NBAS: variants seen among roughly 807,000 people sequenced by gnomAD.
NBAS encodes NAG/BC035112 fusion.
In NBAS, 219 loss-of-function variants were observed where a neutral mutation model predicts 302.5. That is an observed-to-expected ratio of 0.72 (90% CI 0.65 to 0.81). NBAS has a LOEUF of 0.81. Among genes scored for constraint, NBAS ranks in the 30% least tolerant of loss-of-function variants. The pLI, the probability that NBAS is intolerant of heterozygous loss-of-function variation, is 0.00. For missense variants in NBAS, 2,932 were observed against 2,841.6 expected (o/e 1.03, Z -0.72); for synonymous variants, 1,118 against 1,021.6 (o/e 1.09, Z -1.80).
chr2:14,825,546 C>T, the NBAS span, among the ~76,000 whole-genome samples: 8 of 152,130 alleles, frequency 5.3e-5, no homozygotes, highest in Non-Finnish European at 1.0e-4. Context: ...TAGAAATGAG[C>T]CTCGTCTCTC....
intron 19 of NBAS, among the ~76,000 whole-genome samples, chr2:15,466,136 G>A (rs1454623797): frequency 6.6e-6 from 1 of 152,062 alleles, no homozygotes; most frequent in East Asian, 1.9e-4. Context: ...CCCTCTTTCA[G>A]TATTTGTTTA....
At chr2:15,436,795 T>C (rs568976376) in intron 21 of NBAS, among the ~76,000 whole-genome samples, 2 of 152,340 alleles carry the variant, frequency 1.3e-5, no homozygotes, top group East Asian at 3.9e-4. Flanking sequence ...TTTATTTATG[T>C]GTCTTGCTCC....
At chr2:14,990,783 A>G in the NBAS span, among the ~76,000 whole-genome samples, 3 of 152,192 alleles carry the variant, frequency 2.0e-5, no homozygotes, top group Non-Finnish European at 2.9e-5. Context: ...ATCTTTTTAA[A>G]TACAACATAT....
intron 46 of NBAS, among the ~76,000 whole-genome samples, chr2:15,233,005 G>A (rs7563063): frequency 0.094 from 14,286 of 152,008 alleles, 772 homozygotes; most frequent in African/African-American, 0.15. Context: ...CAGATGTTAT[G>A]TGTAGAACTC....
At chr2:14,827,857 G>A in the NBAS span, among the ~76,000 whole-genome samples, 1 of 152,298 alleles carries the variant, frequency 6.6e-6, no homozygotes, top group South Asian at 2.1e-4. Context: ...AGATGAGTAA[G>A]TTCCAAAGAC....
chr2:14,928,895 A>G, the NBAS span, among the ~76,000 whole-genome samples: 1 of 152,210 alleles, frequency 6.6e-6, no homozygotes, highest in Non-Finnish European at 1.5e-5. Context: ...GACTTGGAGC[A>G]CAATAGAGAC....
intron 43 of NBAS, 36 bp downstream of exon 43, chr2:15,276,815 A>C (rs1198919704): frequency 6.2e-7 from 1 of 1,613,730 alleles, no homozygotes; most frequent in Admixed American, 1.7e-5. Flanking sequence ...ATTTAATTGA[A>C]AAGAATGAAT....
chr2:15,305,641 G>A (rs1020664182), intron 40 of NBAS, among the ~76,000 whole-genome samples: 24 of 151,634 alleles, frequency 1.6e-4, no homozygotes, highest in South Asian at 8.3e-4. Context: ...TAGTAGAGGC[G>A]GGGTTTCACC....
the NBAS span, among the ~76,000 whole-genome samples, chr2:15,036,019 C>T: frequency 4.7e-5 from 7 of 149,304 alleles, no homozygotes; most frequent in Admixed American, 6.7e-5. Flanking sequence ...ATAAAGTATG[C>T]ACATATTTTA....
chr2:14,982,370 C>T, the NBAS span, among the ~76,000 whole-genome samples: 188 of 152,292 alleles, frequency 1.2e-3, no homozygotes, highest in African/African-American at 4.2e-3. Context: ...TGCTTCATGC[C>T]ATCAAGTTTT....
intron 51 of NBAS, among the ~76,000 whole-genome samples, chr2:15,170,637 C>T (rs1047326079): frequency 1.3e-5 from 2 of 152,138 alleles, no homozygotes; most frequent in African/African-American, 2.4e-5. Flanking sequence ...TCTACCTGGG[C>T]CTGGCTCTTT....
chr2:14,958,691 A>G, the NBAS span, among the ~76,000 whole-genome samples: 1 of 152,200 alleles, frequency 6.6e-6, no homozygotes, highest in Non-Finnish European at 1.5e-5. Flanking sequence ...TGCTTTTGAG[A>G]AAGTAAGCAA....
At chr2:15,414,679 T>G (rs958103005) in intron 25 of NBAS, among the ~76,000 whole-genome samples, 2 of 152,216 alleles carry the variant, frequency 1.3e-5, no homozygotes, top group Non-Finnish European at 2.9e-5. Flanking sequence ...GCGCAGTGGC[T>G]CACGCCTGTA....
the NBAS span, among the ~76,000 whole-genome samples, chr2:14,797,416 T>G: frequency 6.6e-6 from 1 of 152,160 alleles, no homozygotes; most frequent in Admixed American, 6.5e-5. Flanking sequence ...CAAGTGGTGG[T>G]GGGGCTAGGC....
At chr2:15,402,063 C>T in intron 26 of NBAS, 105 bp downstream of exon 26, 3 of 1,261,612 alleles carry the variant, frequency 2.4e-6, no homozygotes, top group South Asian at 1.2e-5. Context: ...ATGTTTTTTT[C>T]ACATTCCCAA....
At chr2:15,393,291 CA>C (rs1675697395) in intron 28 of NBAS, among the ~76,000 whole-genome samples, 1 of 151,784 alleles carries the variant, frequency 6.6e-6, no homozygotes, top group African/African-American at 2.4e-5. Flanking sequence ...AAAATCTTCG[CA>C]AAGCATATAT....
chr2:14,981,594 C>T, the NBAS span, among the ~76,000 whole-genome samples: 1 of 152,212 alleles, frequency 6.6e-6, no homozygotes, highest in African/African-American at 2.4e-5. Flanking sequence ...TCCTAGCCCT[C>T]TTTGTATCTG....
chr2:14,942,843 T>A, the NBAS span, among the ~76,000 whole-genome samples: 1 of 152,152 alleles, frequency 6.6e-6, no homozygotes, highest in African/African-American at 2.4e-5. Context: ...CTTTCACCTA[T>A]GCTTAAAGTA....
At position 15,480,734 on chromosome 2, in the gene NBAS, A is replaced by G. The variant is rs535622417; in HGVS notation, c.1084-2445T>C. Among the ~76,000 whole-genome samples the G allele has an allele frequency of 1.6e-4, 24 of 152,366 alleles. No individual in the cohort carries two copies. In the South Asian group the frequency reaches 4.8e-3, roughly 30 times the overall value. ...CAGGGAAAAAAAGGAGAACAGTTTAATAAGTCCAGGTCAGCAGGTTTTAAT... is the reference window on the plus strand; with the variant it reads ...CAGGGAAAAAAAGGAGAACAGTTTAGTAAGTCCAGGTCAGCAGGTTTTAAT... On this transcript the variant is annotated intron_variant, in intron 12 of 51. Transcript: ENST00000281513.
Sources: gnomAD v4.1 joint callset for allele counts (sites outside exome capture counted in the v4.1 genomes callset) on GRCh38, gnomAD v4.1.1 for gene constraint, MANE v1.5 for transcripts, NCBI Gene and HGNC (gene_info 2026-07-23, HGNC 2026-07-21) for gene names.